The following GAP43 variants were observed in gnomAD, a reference collection of about 807,000 sequenced individuals.
GAP43 encodes neuromodulin.
In GAP43, 6 loss-of-function variants were observed where a neutral mutation model predicts 18.6. The observed-to-expected ratio is 0.32, with a 90% CI of 0.18 to 0.64. GAP43 has a LOEUF of 0.64. Ranked by LOEUF, GAP43 falls within the 30% of genes least tolerant of loss-of-function variation. The probability of loss-of-function intolerance (pLI) is 0.78; values close to 1 mark genes in which losing one functional copy is unlikely to be tolerated. For synonymous variants in GAP43, 115 were observed against 111.4 expected, an observed-to-expected ratio of 1.03 and a Z score of -0.20; for missense variants, 292 against 295.5, an observed-to-expected ratio of 0.99 and a Z score of 0.09.
intron 2 of GAP43, among the ~76,000 whole-genome samples, chr3:115,706,013 C>T (rs1490428101): frequency 6.6e-6 from 1 of 152,074 alleles, no homozygotes; most frequent in African/African-American, 2.4e-5. Context: ...ATTCCTTATT[C>T]TTCAAAGTCT....
At chr3:115,624,896 TG>T (rs980118655) in intron 1 of GAP43, among the ~76,000 whole-genome samples, 7 of 37,120 alleles carry the variant, frequency 1.9e-4, no homozygotes, top group African/African-American at 6.5e-4. Flanking sequence ...TTGACTGTGG[TG>T]GGGGTGGGGG....
rs34867539 is a variant in GAP43 at position 115,721,227 on chromosome 3, C to CCTCT, written c.*360_*363dup. 9.0e-5 allele frequency: 14 copies of CCTCT among 154,792 alleles called. No individual in the cohort carries two copies. The highest frequency in any genetic ancestry group is 4.0e-4 in the South Asian group (2 of 4,976). The allele number at this position is 154,792 out of a possible 1,614,324, so 9.6% of individuals were successfully genotyped here. On this transcript the variant is annotated 3_prime_UTR_variant, in exon 3 of 3. Coordinates refer to ENST00000305124, the MANE Select transcript of GAP43 (RefSeq NM_002045.4). ...GTGTGGCCCTGTGGGAGTCCACTTT[C>CCTCT]CTCTCTCTCTCTCTCTCTGTTCCAA... is the stretch of plus-strand genomic sequence containing the variant.
intron 2 of GAP43, among the ~76,000 whole-genome samples, chr3:115,695,935 C>A (rs1709182822): frequency 1.3e-5 from 2 of 152,166 alleles, no homozygotes; most frequent in South Asian, 4.1e-4. Context: ...TTTTTGCCAA[C>A]CTACTGGCTA....
At chr3:115,654,799 T>TG (rs934198539) in intron 1 of GAP43, among the ~76,000 whole-genome samples, 4 of 152,162 alleles carry the variant, frequency 2.6e-5, no homozygotes, top group African/African-American at 9.7e-5. Context: ...GGTGGTTTCT[T>TG]GGGGGAAAAT....
intron 2 of GAP43, among the ~76,000 whole-genome samples, chr3:115,708,354 T>A (rs1231238086): frequency 1.3e-5 from 2 of 152,162 alleles, no homozygotes; most frequent in Non-Finnish European, 2.9e-5. Flanking sequence ...GAGTCAAACT[T>A]GAAGATTTAC....
chr3:115,630,422 A>G (rs1324609092), intron 1 of GAP43, among the ~76,000 whole-genome samples: 1 of 152,176 alleles, frequency 6.6e-6, no homozygotes, highest in African/African-American at 2.4e-5. Flanking sequence ...TTAGTACCAG[A>G]TGAATTGGAT....
intron 1 of GAP43, among the ~76,000 whole-genome samples, chr3:115,669,968 T>A (rs1009511482): frequency 2.4e-4 from 34 of 142,042 alleles, no homozygotes; most frequent in Admixed American, 1.3e-3. Context: ...TCTTTTTATT[T>A]TTATTTTTTT....
chr3:115,701,282 T>A (rs1709294264), intron 2 of GAP43, among the ~76,000 whole-genome samples: 1 of 152,090 alleles, frequency 6.6e-6, no homozygotes, highest in Non-Finnish European at 1.5e-5. Flanking sequence ...TGGTGTACTG[T>A]CATATATCCT....
chr3:115,705,565 T>C (rs1192746277), intron 2 of GAP43, among the ~76,000 whole-genome samples: 2 of 152,188 alleles, frequency 1.3e-5, no homozygotes, highest in African/African-American at 4.8e-5. Flanking sequence ...CTTTTATGAT[T>C]GATCTCATTA....
chr3:115,661,053 C>T (rs143351033), intron 1 of GAP43: 2 of 152,268 alleles, frequency 1.3e-5, no homozygotes, highest in African/African-American at 4.8e-5. Flanking sequence ...TGTATAGTGA[C>T]TTAGCACCAT....
intron 2 of GAP43, among the ~76,000 whole-genome samples, chr3:115,683,138 C>T (rs878883710): frequency 7.8e-5 from 10 of 127,916 alleles, no homozygotes; most frequent in African/African-American, 2.1e-4. Context: ...CGCGCGTGCG[C>T]GCGCGCGCGC....
chr3:115,629,870 G>T (rs908435901), intron 1 of GAP43, among the ~76,000 whole-genome samples: 17 of 152,110 alleles, frequency 1.1e-4, no homozygotes, highest in South Asian at 2.1e-4. Context: ...TTAAAAAAAT[G>T]TCTTGGCATG....
intron 1 of GAP43, among the ~76,000 whole-genome samples, chr3:115,662,522 A>G (rs1421748499): frequency 6.6e-6 from 1 of 152,204 alleles, no homozygotes; most frequent in African/African-American, 2.4e-5. Context: ...AGAGTTGGCT[A>G]CTGGATTTTT....
chr3:115,631,922 G>A (rs1708264933), intron 1 of GAP43, among the ~76,000 whole-genome samples: 1 of 152,092 alleles, frequency 6.6e-6, no homozygotes, highest in Non-Finnish European at 1.5e-5. Flanking sequence ...ACGGCTCAGA[G>A]TAAATATTAA....
chr3:115,691,020 C>T (rs1000855343), intron 2 of GAP43, among the ~76,000 whole-genome samples: 9 of 151,746 alleles, frequency 5.9e-5, no homozygotes, highest in African/African-American at 1.9e-4. Flanking sequence ...CTCCCAAAAT[C>T]CTGGGATTAC....
chr3:115,720,803 A>G lies in GAP43; in HGVS notation c.638A>G (p.Asp213Gly), dbSNP rs140709804. 125 of 1,612,454 alleles carry G rather than the reference A, an allele frequency of 7.8e-5. No individual in the cohort carries two copies. Among genetic ancestry groups the G allele is most frequent in the Non-Finnish European group, 9.2e-5 (108 of 1,178,992 alleles). The stretch of plus-strand genomic sequence containing the variant: ...TTGTTTTCTTTCTCAGAAGCTGTAG[A>G]TGAAACCAAACCTAAGGAAAGTGCC... ...SQAEENIEAV[D>G]ETKPKESARQ... The change falls in exon 3 of 3, where the codon GAT becomes GGT. Residue 213 changes from aspartate to glycine, a missense_variant. Transcript: ENST00000305124.
rs1666620672 is a variant in GAP43, at chr3:115,623,544, G to T, written c.-146G>T. On this transcript the variant is annotated 5_prime_UTR_variant, in exon 1 of 3. Coordinates refer to ENST00000305124, the MANE Select transcript of GAP43 (RefSeq NM_002045.4). ...GCTAACTGCCCTGGTGTGTGTGAGG[G>T]AGAGAGAGGGAGGGAGGGAGAGAGA... The T allele has an allele frequency of 3.2e-6, 3 of 937,202 alleles. No homozygotes were observed. The highest frequency in any genetic ancestry group is 5.0e-6 in the Non-Finnish European group (3 of 598,256). The allele number at this position is 937,202 out of a possible 1,614,324, so 58.1% of individuals were successfully genotyped here.
At position 115,696,581 on chromosome 3, in the gene GAP43, C is replaced by G. The variant is rs183147564; in HGVS notation, c.628+19971C>G. On this transcript the variant is annotated intron_variant, in intron 2 of 2. Transcript: ENST00000305124. ...GATTTCCTTGCTGCCCCCCACCGCC[C>G]CCCCCCCCCACAAACAGGTATGCTC... Among the ~76,000 whole-genome samples, 383 of 121,986 alleles carry G rather than the reference C, an allele frequency of 3.1e-3. 13 individuals carry two copies. The highest frequency in any genetic ancestry group is 4.4e-3 in the Non-Finnish European group (258 of 58,982). The allele number at this position is 121,986 out of a possible 152,430, so 80.0% of individuals were successfully genotyped here.
At chr3:115,626,561 T>A (rs546078476) in intron 1 of GAP43, among the ~76,000 whole-genome samples, 1 of 152,184 alleles carries the variant, frequency 6.6e-6, no homozygotes, top group African/African-American at 2.4e-5. Context: ...TATTGCCTTA[T>A]GATTTTCAAA....
Sources: gnomAD v4.1 joint callset for allele counts (sites outside exome capture counted in the v4.1 genomes callset) on GRCh38, gnomAD v4.1.1 for gene constraint, MANE v1.5 for transcripts, NCBI Gene and HGNC (gene_info 2026-07-23, HGNC 2026-07-21) for gene names.